The following PRDX1 variants were observed in gnomAD, a reference collection of about 807,000 sequenced individuals.
PRDX1 encodes the protein peroxiredoxin 1.
In PRDX1, 19 loss-of-function variants were observed where a neutral mutation model predicts 20.7. The observed-to-expected ratio is 0.92, with a 90% CI of 0.64 to 1.35. The LOEUF is 1.35. Ranked by LOEUF, PRDX1 falls within the 40% of genes most tolerant of loss-of-function variation. The pLI, the probability that PRDX1 is intolerant of heterozygous loss-of-function variation, is 0.00. For synonymous variants in PRDX1, 89 were observed against 83.9 expected (o/e 1.06, Z -0.33); for missense variants, 226 against 240.0 (o/e 0.94, Z 0.38).
At chr1:45,511,456 G>GTA in intron 5 of PRDX1, 42 bp from the exon 6 acceptor site, 2 of 1,528,352 alleles carry the variant, frequency 1.3e-6, no homozygotes, top group Non-Finnish European at 1.8e-6. Context: ...CTTCTCAATG[G>GTA]TATGCACCAC....
intron 1 of PRDX1, among the ~76,000 whole-genome samples, chr1:45,519,887 G>T (rs1016969033): frequency 2.6e-5 from 4 of 151,854 alleles, no homozygotes; most frequent in Non-Finnish European, 5.9e-5. Context: ...GTGAGCCACC[G>T]CGCCCTTCCA....
In PRDX1 at chr1:45,519,825, T is replaced by G. The variant is rs552625938; in HGVS notation, c.-11-771A>C. 1.2e-4 allele frequency among the ~76,000 whole-genome samples: 18 copies of G among 152,264 alleles called. No homozygotes were observed. In the East Asian group the frequency reaches 3.1e-3, roughly 26 times the overall value. On this transcript the variant is annotated intron_variant, in intron 1 of 5. Transcript: ENST00000319248. The stretch of plus-strand genomic sequence containing the variant: ...GTTGGTCAGGCTAGTCTCAAACTCC[T>G]CACCTCAGATGATTGCCCAACTCAG...
At chr1:45,518,261 G>A (rs185291561) in intron 2 of PRDX1, among the ~76,000 whole-genome samples, 3 of 151,768 alleles carry the variant, frequency 2.0e-5, no homozygotes, top group Non-Finnish European at 4.4e-5. Context: ...TCAGGAGTTC[G>A]AGACCAGCCT....
chr1:45,519,885 C>T (rs113832849), intron 1 of PRDX1, among the ~76,000 whole-genome samples: 1 of 152,326 alleles, frequency 6.6e-6, no homozygotes, highest in Non-Finnish European at 1.5e-5. Flanking sequence ...GCGTGAGCCA[C>T]CGCGCCCTTC....
intron 3 of PRDX1, 81 bp from the exon 4 acceptor site, chr1:45,515,076 C>A: frequency 6.5e-7 from 1 of 1,548,246 alleles, no homozygotes; most frequent in Non-Finnish European, 8.7e-7. Context: ...TTCCCATATT[C>A]CTAATCTAAC....
chr1:45,511,253 A>G lies in PRDX1; in HGVS notation c.*76T>C. On this transcript the variant is annotated 3_prime_UTR_variant, in exon 6 of 6. Transcript: ENST00000319248. ...GAATCTGAAGTCTTGTGTTTTACTAATGGAAAAAAAAAATACAGAAGAGGT... is the reference window on the plus strand; with the variant it reads ...GAATCTGAAGTCTTGTGTTTTACTAGTGGAAAAAAAAAATACAGAAGAGGT... 7.8e-7 allele frequency: 1 copy of G among 1,275,084 alleles called. No homozygotes were observed. The highest frequency in any genetic ancestry group is 1.1e-6 in the Non-Finnish European group (1 of 916,692). The allele number at this position is 1,275,084 out of a possible 1,614,324, so 79.0% of individuals were successfully genotyped here.
Position 45,518,999 on chromosome 1 carries a change from G to A in PRDX1, c.45C>T (p.Phe15=). 1 of 1,603,986 alleles carries A rather than the reference G, an allele frequency of 6.2e-7. No individual in the cohort carries two copies. The highest frequency in any genetic ancestry group is 8.5e-7 in the Non-Finnish European group (1 of 1,176,882). The change falls in exon 2 of 6, where the codon TTC becomes TTT. Residue 15 remains phenylalanine, a synonymous_variant. Transcript: ENST00000319248. ...CATCTGGCATAACAGCTGTGGCTTT[G>A]AAGTTGGGGGCAGGGTGCCCAATTT... ...NAKIGHPAPN[F]KATAVMPDGQ... is the part of the protein sequence containing the mutation.
chr1:45,513,969 TTTGCAGTTGA>T (rs1204535567), intron 5 of PRDX1, among the ~76,000 whole-genome samples: 1 of 152,160 alleles, frequency 6.6e-6, no homozygotes, highest in African/African-American at 2.4e-5. Flanking sequence ...GGAACGCCTC[TTTGCAGTTGA>T]GACAAGAGGA....
At chr1:45,515,122 A>T (rs1230519562) in intron 3 of PRDX1, 127 bp from the exon 4 acceptor site, 23 of 1,321,222 alleles carry the variant, frequency 1.7e-5, no homozygotes, top group Non-Finnish European at 2.3e-5. Context: ...GTTTTCCAGC[A>T]ATAAAGTGAA....
chr1:45,517,617 TAAA>T (rs1643872424), intron 2 of PRDX1, among the ~76,000 whole-genome samples: 1 of 151,832 alleles, frequency 6.6e-6, no homozygotes, highest in South Asian at 2.1e-4. Flanking sequence ...CCGTCTCTAC[TAAA>T]AATACAAAAA....
intron 2 of PRDX1, among the ~76,000 whole-genome samples, chr1:45,516,752 G>A (rs1211865105): frequency 6.6e-6 from 1 of 152,110 alleles, no homozygotes; most frequent in African/African-American, 2.4e-5. Context: ...GCTGACGTCT[G>A]TAATCCCAGC....
At chr1:45,514,663 C>A (rs2149327458) in intron 4 of PRDX1, 26 bp from the exon 5 acceptor site, 1 of 1,612,526 alleles carries the variant, frequency 6.2e-7, no homozygotes, top group East Asian at 2.2e-5. Flanking sequence ...AAAGGAAAAG[C>A]AATACAGGTT....
chr1:45,511,451 C>T (rs1303314821), intron 5 of PRDX1, 37 bp from the exon 6 acceptor site: 3 of 1,546,462 alleles, frequency 1.9e-6, no homozygotes, highest in East Asian at 2.3e-5. Flanking sequence ...ATAACCTTCT[C>T]AATGGTATGC....
At chr1:45,519,096 C>A in intron 1 of PRDX1, 42 bp from the exon 2 acceptor site, 1 of 1,404,528 alleles carries the variant, frequency 7.1e-7, no homozygotes, top group Non-Finnish European at 9.9e-7. Context: ...CCTTAATTTT[C>A]TACATAACCA....
intron 5 of PRDX1, 49 bp downstream of exon 5, chr1:45,514,458 C>T: frequency 1.2e-6 from 2 of 1,608,008 alleles, no homozygotes; most frequent in South Asian, 2.2e-5. Context: ...GGGCAACCCA[C>T]CCCTTCATAC....
rs769370981 is a variant in PRDX1, at chr1:45,519,003, T to C, written c.41A>G (p.Asn14Ser). ...GNAKIGHPAP[N>S]FKATAVMPDG... Reference sequence around the variant, plus strand: ...TGGCATAACAGCTGTGGCTTTGAAGTTGGGGGCAGGGTGCCCAATTTTAGC... The same window carrying C: ...TGGCATAACAGCTGTGGCTTTGAAGCTGGGGGCAGGGTGCCCAATTTTAGC... Residue 14 changes from asparagine to serine, a missense_variant, in exon 2 of 6, where the codon AAC (asparagine) becomes AGC (serine). Coordinates refer to ENST00000319248, the MANE Select transcript of PRDX1 (RefSeq NM_181697.3). The C allele has an allele frequency of 3.7e-6, 6 of 1,602,898 alleles. No individual in the cohort carries two copies. The highest frequency in any genetic ancestry group is 1.3e-5 in the African/African-American group (1 of 74,484).
intron 2 of PRDX1, among the ~76,000 whole-genome samples, chr1:45,516,081 TGAGTGGCTAAAATTAACATAAACACCAA>T (rs1157202906): frequency 2.0e-5 from 3 of 152,252 alleles, no homozygotes; most frequent in Admixed American, 2.0e-4. Context: ...TGATCTTTTC[TGAGTGGCTAAAATTAACATAAACACCAA>T]GTTCTCCAAA....
Position 45,521,553 on chromosome 1 carries a change from C to A in PRDX1, c.-12+276G>T, listed in dbSNP as rs1261109337. On this transcript the variant is annotated intron_variant, in intron 1 of 5. Coordinates refer to ENST00000319248, the MANE Select transcript of PRDX1 (RefSeq NM_181697.3). ...GACCCCCACCACCAGCCCGCCCAGACGCCGCGCCACGTGCTCGAGTTGCCG... is the reference window on the plus strand; with the variant it reads ...GACCCCCACCACCAGCCCGCCCAGAAGCCGCGCCACGTGCTCGAGTTGCCG... The A allele has an allele frequency of 3.3e-5, 5 of 152,374 alleles. No homozygotes were observed. The East Asian group carries it at 9.6e-4, about 29-fold the overall frequency. The allele number at this position is 152,374 out of a possible 1,614,324, so 9.4% of individuals were successfully genotyped here.
At position 45,511,209 on chromosome 1, in the gene PRDX1, A is replaced by T. The variant is rs921619061; in HGVS notation, c.*120T>A. On this transcript the variant is annotated 3_prime_UTR_variant, in exon 6 of 6. Transcript: ENST00000319248. Reference sequence around the variant, plus strand: ...CCCCTGTAGGAAAGGCCTGCCTTGTAAGACACCACAATTCGGCTGAATCTG... The same window carrying T: ...CCCCTGTAGGAAAGGCCTGCCTTGTTAGACACCACAATTCGGCTGAATCTG... 4.2e-5 allele frequency: 36 copies of T among 863,358 alleles called. No homozygotes were observed. Among genetic ancestry groups the T allele is most frequent in the Non-Finnish European group, 4.7e-5 (26 of 557,094 alleles). The allele number at this position is 863,358 out of a possible 1,614,324, so 53.5% of individuals were successfully genotyped here.
Sources: allele counts gnomAD v4.1 joint callset (sites outside exome capture counted in the v4.1 genomes callset), GRCh38; gene constraint gnomAD v4.1.1; transcripts MANE v1.5; gene names NCBI Gene and HGNC (gene_info 2026-07-23, HGNC 2026-07-21).